Variants in PDAP1 observed in about 807,000 individuals in gnomAD.
PDAP1 encodes 28 kDa heat- and acid-stable phosphoprotein.
A neutral mutation model predicts 28.0 loss-of-function variants in PDAP1; 13 were observed. That is an observed-to-expected ratio of 0.46 (90% confidence interval 0.30 to 0.74). PDAP1 has a LOEUF of 0.74. PDAP1 is among the 30% of genes least tolerant of loss of function. The pLI is 0.07. For missense variants in PDAP1, 150 were observed against 230.0 expected (o/e 0.65, Z 2.25); for synonymous variants, 77 against 85.1 (o/e 0.91, Z 0.52).
At chr7:99,404,136 G>A (rs979055330) in intron 2 of PDAP1, among the ~76,000 whole-genome samples, 11 of 152,094 alleles carry the variant, frequency 7.2e-5, no homozygotes, top group Non-Finnish European at 1.6e-4. Context: ...CTCAGCTGCT[G>A]GCTCCCCCAA....
intron 5 of PDAP1, 49 bp from the exon 6 acceptor site, chr7:99,396,789 C>A: frequency 6.9e-7 from 1 of 1,442,922 alleles, no homozygotes; most frequent in South Asian, 1.2e-5. Context: ...ACCCCCCACC[C>A]CCTCCCAACA....
intron 3 of PDAP1, 28 bp from the exon 4 acceptor site, chr7:99,400,452 G>GGA: frequency 3.7e-6 from 6 of 1,613,704 alleles, no homozygotes; most frequent in East Asian, 4.5e-5. Flanking sequence ...GCTGGTTGTT[G>GGA]GAGTTCAGGT....
In PDAP1 at chr7:99,395,573, G is replaced by A. The variant is rs1172950279; in HGVS notation, c.*1109C>T. The A allele has an allele frequency of 6.6e-6, 1 of 152,276 alleles. No homozygotes were observed. Among genetic ancestry groups the A allele is most frequent in the Non-Finnish European group, 1.5e-5 (1 of 68,064 alleles). 9.4% of individuals were successfully genotyped at this position (152,276 alleles called of 1,614,324 possible). A position where few individuals can be genotyped will look rare whatever the true frequency, so the allele number is the denominator to read the frequency against. ...TCATGTCACCAGGTCCTGTGCTGAA[G>A]GGCATTTGCACATCTTTTGTGGCTT... On this transcript the variant is annotated 3_prime_UTR_variant, in exon 6 of 6. Coordinates refer to ENST00000350498, the MANE Select transcript of PDAP1 (RefSeq NM_014891.7).
intron 1 of PDAP1, among the ~76,000 whole-genome samples, chr7:99,407,765 G>C (rs1221287081): frequency 6.6e-6 from 1 of 152,220 alleles, no homozygotes; most frequent in African/African-American, 2.4e-5. Flanking sequence ...CGATTCTAAA[G>C]GGGGAAACAG....
intron 5 of PDAP1, 141 bp downstream of exon 5, chr7:99,397,721 C>G: frequency 1.1e-6 from 1 of 951,882 alleles, no homozygotes; most frequent in Non-Finnish European, 1.5e-6. Context: ...GGGAGGGTGG[C>G]CCTCTCCTGA....
intron 3 of PDAP1, 77 bp from the exon 4 acceptor site, chr7:99,400,501 A>G: frequency 5.8e-6 from 9 of 1,561,148 alleles, no homozygotes; most frequent in Non-Finnish European, 7.9e-6. Flanking sequence ...CCATCTCTCA[A>G]CAGCCCATCT....
In PDAP1 at chr7:99,394,797, A is replaced by T; in HGVS notation, c.*1885T>A. ...AACTGTGTAAAAAAAAAAAAAAAAA[A>T]AAAAGTAATTATGGACATGCTTGCC... is the stretch of plus-strand genomic sequence containing the variant. On this transcript the variant is annotated 3_prime_UTR_variant, in exon 6 of 6. Transcript: ENST00000350498. 1 of 1,235,494 alleles carries T rather than the reference A, an allele frequency of 8.1e-7. No individual in the cohort carries two copies. 76.5% of individuals were successfully genotyped at this position (1,235,494 alleles called of 1,614,324 possible).
In PDAP1 at chr7:99,404,965, C is replaced by G. The variant is rs773123033; in HGVS notation, c.14-12G>C. 1.6e-5 allele frequency: 25 copies of G among 1,608,832 alleles called. No individual in the cohort carries two copies. Among genetic ancestry groups the G allele is most frequent in the Admixed American group, 1.2e-4 (7 of 59,984 alleles). ...GCCTCCCTTTCTTCCTGCAGAGACC[C>G]GCAGTTTAGGTGAGCGGAAGCAGCT... On this transcript the variant is annotated splice_polypyrimidine_tract_variant and intron_variant, in intron 1 of 5. Coordinates refer to ENST00000350498, the MANE Select transcript of PDAP1 (RefSeq NM_014891.7).
At chr7:99,401,115 C>T (rs998294980) in intron 3 of PDAP1, among the ~76,000 whole-genome samples, 3 of 152,194 alleles carry the variant, frequency 2.0e-5, no homozygotes, top group African/African-American at 7.2e-5. Context: ...CCACACACTT[C>T]CAGTCCAGCT....
At chr7:99,408,468 A>T in intron 1 of PDAP1, 68 bp downstream of exon 1, 1 of 1,311,228 alleles carries the variant, frequency 7.6e-7, no homozygotes, top group Non-Finnish European at 9.8e-7. Flanking sequence ...GCACGGGCTG[A>T]GGGGACAGCG....
At chr7:99,405,565 G>T (rs531196713) in intron 1 of PDAP1, among the ~76,000 whole-genome samples, 7 of 152,036 alleles carry the variant, frequency 4.6e-5, no homozygotes, top group Admixed American at 1.3e-4. Context: ...TAACCATGTT[G>T]GTTGGCTAGA....
intron 1 of PDAP1, among the ~76,000 whole-genome samples, chr7:99,406,889 G>A (rs1250374266): frequency 1.3e-5 from 2 of 152,130 alleles, no homozygotes; most frequent in Non-Finnish European, 2.9e-5. Context: ...TCCCAGGGGT[G>A]TCTAAGTCTA....
intron 5 of PDAP1, among the ~76,000 whole-genome samples, chr7:99,397,056 CCTCCACGGGTTCTGAAGTCTA>C: frequency 6.6e-6 from 1 of 152,304 alleles, no homozygotes; most frequent in Non-Finnish European, 1.5e-5. Context: ...TTCTAACCTC[CCTCCACGGGTTCTGAAGTCTA>C]AAATTTAAAC....
intron 3 of PDAP1, among the ~76,000 whole-genome samples, chr7:99,402,945 G>C (rs1202831912): frequency 6.6e-6 from 1 of 151,096 alleles, no homozygotes; most frequent in African/African-American, 2.4e-5. Flanking sequence ...TACACAGGAG[G>C]TGCCCTTGCC....
chr7:99,400,723 C>T (rs1794849500), intron 3 of PDAP1, among the ~76,000 whole-genome samples: 1 of 152,222 alleles, frequency 6.6e-6, no homozygotes, highest in Non-Finnish European at 1.5e-5. Context: ...CACAGCACTA[C>T]TCCCCTACTT....
rs1321156037 is a variant in PDAP1 at position 99,396,173 on chromosome 7, CAG to C, written c.*507_*508del. 1.0e-4 allele frequency: 18 copies of C among 172,750 alleles called. No individual in the cohort carries two copies. Among genetic ancestry groups the C allele is most frequent in the African/African-American group, 4.3e-4 (18 of 41,612 alleles). The allele number at this position is 172,750 out of a possible 1,614,324, so 10.7% of individuals were successfully genotyped here. On this transcript the variant is annotated 3_prime_UTR_variant, in exon 6 of 6. Transcript: ENST00000350498. ...GGGCAGAGAGGTGAGGCCCTGAGGTCAGTCAGACAGGACTGACCAGGGACAAG... is the reference window on the plus strand; with the variant it reads ...GGGCAGAGAGGTGAGGCCCTGAGGTCTCAGACAGGACTGACCAGGGACAAG...
intron 5 of PDAP1, among the ~76,000 whole-genome samples, 180 bp from the exon 6 acceptor site, chr7:99,396,920 A>C (rs1374593417): frequency 1.3e-5 from 2 of 152,156 alleles, no homozygotes; most frequent in East Asian, 3.9e-4. Flanking sequence ...GCCCCCCGAC[A>C]TTCCCGACAC....
rs118126726 is a variant in PDAP1 at position 99,401,469 on chromosome 7, G to T, written c.214-1045C>A. 2.8e-3 allele frequency among the ~76,000 whole-genome samples: 423 copies of T among 151,956 alleles called. 7 individuals carry two copies. In the East Asian group the frequency reaches 0.077, roughly 28 times the overall value. On this transcript the variant is annotated intron_variant, in intron 3 of 5. Coordinates refer to ENST00000350498, the MANE Select transcript of PDAP1 (RefSeq NM_014891.7). ...TCAGCCTGAGTATTTGGGATTACAG[G>T]CATGAACCACCACCCCCGACTAATT...
At chr7:99,404,372 A>G (rs1478825781) in intron 2 of PDAP1, among the ~76,000 whole-genome samples, 2 of 152,100 alleles carry the variant, frequency 1.3e-5, no homozygotes, top group Non-Finnish European at 2.9e-5. Context: ...GGGAACTACT[A>G]AATCAGCTCT....
Sources: allele counts gnomAD v4.1 joint callset (sites outside exome capture counted in the v4.1 genomes callset), GRCh38; gene constraint gnomAD v4.1.1; transcripts MANE v1.5; gene names NCBI Gene and HGNC (gene_info 2026-07-23, HGNC 2026-07-21).